SNTG1: variants seen among roughly 807,000 people sequenced by gnomAD.
SNTG1 encodes gamma-1-syntrophin.
SNTG1 carries 39 observed loss-of-function variants against 74.7 expected under a neutral mutation model. The observed-to-expected ratio is 0.52, with a 90% CI of 0.40 to 0.68. The LOEUF (loss-of-function observed/expected upper bound fraction) is 0.68, where lower values mean the gene tolerates loss of function less well. Ranked by LOEUF, SNTG1 falls within the 30% of genes least tolerant of loss-of-function variation. The pLI is 0.00. For missense variants in SNTG1, 685 were observed against 609.5 expected (o/e 1.12, Z -1.30); for synonymous variants, 254 against 217.1 (o/e 1.17, Z -1.49).
Position 49,951,106 on chromosome 8 carries a change from A to T in SNTG1, c.-103+38875A>T, listed in dbSNP as rs1215121433. Among the ~76,000 whole-genome samples, 3 of 152,210 alleles carry T rather than the reference A, an allele frequency of 2.0e-5. No homozygotes were observed. The East Asian group carries it at 5.8e-4, about 29-fold the overall frequency. On this transcript the variant is annotated intron_variant, in intron 1 of 18. Coordinates refer to ENST00000642720, the MANE Select transcript of SNTG1 (RefSeq NM_018967.5). Reference sequence around the variant, plus strand: ...TGCATTTGGGGGGATAGTAAAATTGAGACTAAGAAAGATTATATCTTTACT... The same window carrying T: ...TGCATTTGGGGGGATAGTAAAATTGTGACTAAGAAAGATTATATCTTTACT...
intron 17 of SNTG1, among the ~76,000 whole-genome samples, chr8:50,719,830 A>C (rs1342950241): frequency 6.6e-6 from 1 of 152,198 alleles, no homozygotes; most frequent in African/African-American, 2.4e-5. Flanking sequence ...ATAATGTTTG[A>C]GTTTTAGAAA....
chr8:50,187,453 T>C (rs1265721397), intron 2 of SNTG1, among the ~76,000 whole-genome samples: 1 of 152,170 alleles, frequency 6.6e-6, no homozygotes, highest in Non-Finnish European at 1.5e-5. Flanking sequence ...CTGGGTAAAC[T>C]GACTAGCCAT....
At chr8:50,762,827 A>G in intron 18 of SNTG1, 1 of 406,978 alleles carries the variant, frequency 2.5e-6, no homozygotes, top group Non-Finnish European at 5.0e-6. Context: ...TCTCTTGAGC[A>G]ATGAAGGTTC....
Position 50,402,198 on chromosome 8 carries a change from T to C in SNTG1, c.28-12T>C, listed in dbSNP as rs770397485. 1 of 1,582,176 alleles carries C rather than the reference T, an allele frequency of 6.3e-7. No individual in the cohort carries two copies. The highest frequency in any genetic ancestry group is 1.2e-5 in the South Asian group (1 of 85,184). ...AATTTTTCCTCTGTTTGTTTTTTTTTTTAATCTGAAGACAAAGACAGGAAT... is the reference window on the plus strand; with the variant it reads ...AATTTTTCCTCTGTTTGTTTTTTTTCTTAATCTGAAGACAAAGACAGGAAT... On this transcript the variant is annotated splice_polypyrimidine_tract_variant and intron_variant, in intron 3 of 18. Transcript: ENST00000642720.
chr8:50,721,997 G>T (rs1219555718), intron 17 of SNTG1, among the ~76,000 whole-genome samples: 2 of 152,062 alleles, frequency 1.3e-5, no homozygotes, highest in South Asian at 4.2e-4. Context: ...AGGAACAAAT[G>T]ATGGATTACA....
chr8:50,008,591 G>A (rs1815474396), intron 1 of SNTG1, among the ~76,000 whole-genome samples: 1 of 152,120 alleles, frequency 6.6e-6, no homozygotes, highest in African/African-American at 2.4e-5. Context: ...GATGATAGAT[G>A]TATGATGGAT....
chr8:50,421,303 C>T (rs1422405359), intron 4 of SNTG1, among the ~76,000 whole-genome samples: 1 of 152,082 alleles, frequency 6.6e-6, no homozygotes, highest in Non-Finnish European at 1.5e-5. Flanking sequence ...CTGCTAGTGG[C>T]CCATATTTAT....
rs750529882 is a variant in SNTG1, at chr8:50,099,010, A to G, written c.-102-73551A>G. On this transcript the variant is annotated intron_variant, in intron 1 of 18. Transcript: ENST00000642720. ...CCACAATCCATCTAGAGGTTACAGA[A>G]GGCATTTTGAAATTTTTGAGGTTTT... is the stretch of plus-strand genomic sequence containing the variant. Among the ~76,000 whole-genome samples the G allele has an allele frequency of 6.0e-4, 91 of 152,132 alleles. 1 individual carries two copies. The highest frequency in any genetic ancestry group is 2.8e-3 in the Admixed American group (43 of 15,266).
chr8:50,343,561 T>C (rs937672983), intron 2 of SNTG1, among the ~76,000 whole-genome samples: 1 of 152,150 alleles, frequency 6.6e-6, no homozygotes, highest in African/African-American at 2.4e-5. Context: ...ATATTAATGA[T>C]GTATTGGATT....
intron 4 of SNTG1, among the ~76,000 whole-genome samples, chr8:50,412,984 A>C (rs1327713817): frequency 6.6e-6 from 1 of 152,156 alleles, no homozygotes; most frequent in Admixed American, 6.6e-5. Context: ...AAAAGCTTAG[A>C]CCATTTAGAA....
chr8:50,596,763 T>C (rs2094730011), intron 13 of SNTG1, among the ~76,000 whole-genome samples: 1 of 152,064 alleles, frequency 6.6e-6, no homozygotes, highest in Non-Finnish European at 1.5e-5. Context: ...ACTTCTAATA[T>C]TTTTTATTAA....
intron 1 of SNTG1, among the ~76,000 whole-genome samples, chr8:50,002,761 A>G (rs1238462445): frequency 6.6e-6 from 1 of 152,168 alleles, no homozygotes; most frequent in Non-Finnish European, 1.5e-5. Context: ...TATACCCAAG[A>G]AAAATAAAAA....
chr8:50,596,762 AT>A (rs1402178575), intron 13 of SNTG1, among the ~76,000 whole-genome samples: 9 of 151,998 alleles, frequency 5.9e-5, no homozygotes, highest in South Asian at 2.1e-4. Flanking sequence ...AACTTCTAAT[AT>A]TTTTTATTAA....
At chr8:50,440,429 G>A (rs2093348015) in intron 5 of SNTG1, among the ~76,000 whole-genome samples, 1 of 151,812 alleles carries the variant, frequency 6.6e-6, no homozygotes, top group South Asian at 2.1e-4. Flanking sequence ...AACTAGCAGT[G>A]TTATTACAAA....
chr8:50,461,417 C>A (rs1052916204), intron 8 of SNTG1, among the ~76,000 whole-genome samples: 1 of 151,826 alleles, frequency 6.6e-6, no homozygotes, highest in Non-Finnish European at 1.5e-5. Context: ...GTCACTATAC[C>A]CAATGCCAAT....
At chr8:50,760,297 AT>A (rs1319789447) in intron 18 of SNTG1, among the ~76,000 whole-genome samples, 1 of 152,080 alleles carries the variant, frequency 6.6e-6, no homozygotes, top group Non-Finnish European at 1.5e-5. Context: ...AAACAGAAAT[AT>A]TTTGACTTAT....
At chr8:50,775,708 A>G (rs1372724652) in intron 18 of SNTG1, among the ~76,000 whole-genome samples, 2 of 151,706 alleles carry the variant, frequency 1.3e-5, no homozygotes, top group Non-Finnish European at 3.0e-5. Flanking sequence ...GTTAAGAGAG[A>G]TGTTGAAGTC....
chr8:50,396,362 T>A (rs977764273), intron 3 of SNTG1, among the ~76,000 whole-genome samples: 1 of 152,206 alleles, frequency 6.6e-6, no homozygotes, highest in African/African-American at 2.4e-5. Flanking sequence ...GGACTCATCT[T>A]TGAATAGAAT....
At chr8:50,258,981 A>C (rs1477041007) in intron 2 of SNTG1, among the ~76,000 whole-genome samples, 1 of 152,188 alleles carries the variant, frequency 6.6e-6, no homozygotes, top group Non-Finnish European at 1.5e-5. Context: ...AAATGAAAAG[A>C]GACCTAAATC....
Sources: allele counts gnomAD v4.1 joint callset (sites outside exome capture counted in the v4.1 genomes callset), GRCh38; gene constraint gnomAD v4.1.1; transcripts MANE v1.5; gene names NCBI Gene and HGNC (gene_info 2026-07-23, HGNC 2026-07-21).